NELL2: variants seen among roughly 807,000 people sequenced by gnomAD.
The protein encoded by NELL2 is neural EGFL like 2.
NELL2 carries 41 observed loss-of-function variants against 109.6 expected under a neutral mutation model. The observed-to-expected ratio is 0.37, with a 90% confidence interval of 0.29 to 0.49. NELL2 has a LOEUF of 0.49. Ranked by LOEUF, NELL2 falls within the 20% of genes least tolerant of loss-of-function variation. The pLI is 0.98. For synonymous variants in NELL2, 355 were observed against 344.7 expected, an observed-to-expected ratio of 1.03 and a Z score of -0.33; for missense variants, 900 against 1,008.3, an observed-to-expected ratio of 0.89 and a Z score of 1.45.
At position 44,674,723 on chromosome 12, in the gene NELL2, G is replaced by A. The variant is rs115676494; in HGVS notation, c.1319-9114C>T. Among the ~76,000 whole-genome samples the A allele has an allele frequency of 7.3e-3, 1,110 of 152,206 alleles. 9 individuals are homozygous for A. The highest frequency in any genetic ancestry group is 0.021 in the African/African-American group (873 of 41,534). On this transcript the variant is annotated intron_variant, in intron 12 of 19. Transcript: ENST00000429094. ...ATATCTTATGAGAGTTGGTAAAATG[G>A]CATAACTGAGGAATTGGTAAGAAGT... is the stretch of plus-strand genomic sequence containing the variant.
At chr12:44,607,130 T>G in intron 15 of NELL2, 39 bp downstream of exon 15, 3 of 1,566,592 alleles carry the variant, frequency 1.9e-6, no homozygotes, top group Non-Finnish European at 2.6e-6. Flanking sequence ...TGCATTGGCA[T>G]AAAAATTCAT....
Position 44,826,381 on chromosome 12 carries a change from T to A in NELL2, c.185-10245A>T, listed in dbSNP as rs533000572. Among the ~76,000 whole-genome samples the A allele has an allele frequency of 1.2e-4, 18 of 152,358 alleles. No homozygotes were observed. In the South Asian group the frequency reaches 1.2e-3, roughly 11 times the overall value. ...TTAACTATCAAATGTTATTGTCTTCTAAATTCAGGTTAGAAATATATTGAG... is the reference window on the plus strand; with the variant it reads ...TTAACTATCAAATGTTATTGTCTTCAAAATTCAGGTTAGAAATATATTGAG... On this transcript the variant is annotated intron_variant, in intron 2 of 19. Coordinates refer to ENST00000429094, the MANE Select transcript of NELL2 (RefSeq NM_001145108.2).
intron 15 of NELL2, among the ~76,000 whole-genome samples, chr12:44,587,309 T>TATATATATATATATATATATA (rs1565974434): frequency 4.3e-5 from 3 of 69,616 alleles, no homozygotes; most frequent in Admixed American, 1.8e-4. Context: ...ATATATATAT[T>TATATATATATATATATATATA]TTTTTTTAAA....
At chr12:44,760,296 C>G (rs1941067974) in intron 9 of NELL2, among the ~76,000 whole-genome samples, 1 of 151,986 alleles carries the variant, frequency 6.6e-6, no homozygotes, top group African/African-American at 2.4e-5. Context: ...CCCCAAATAA[C>G]CACAGAAAAA....
At chr12:44,579,187 A>G (rs1263867334) in intron 15 of NELL2, among the ~76,000 whole-genome samples, 1 of 152,120 alleles carries the variant, frequency 6.6e-6, no homozygotes, top group Non-Finnish European at 1.5e-5. Flanking sequence ...TTATTAGGAG[A>G]GCATGCATCA....
At chr12:44,562,851 T>A (rs895921893) in intron 15 of NELL2, among the ~76,000 whole-genome samples, 1 of 152,190 alleles carries the variant, frequency 6.6e-6, no homozygotes, top group Non-Finnish European at 1.5e-5. Flanking sequence ...TATTCTACTA[T>A]AAAGACACAT....
chr12:44,781,602 A>G (rs1193346823), intron 3 of NELL2, among the ~76,000 whole-genome samples: 2 of 152,280 alleles, frequency 1.3e-5, no homozygotes, highest in Middle Eastern at 3.4e-3. Flanking sequence ...AAGCCATATC[A>G]TAATTAATCT....
Position 44,779,986 on chromosome 12 carries a change from T to G in NELL2, c.372A>C (p.Glu124Asp). The G allele has an allele frequency of 6.2e-7, 1 of 1,613,836 alleles. No homozygotes were observed. Among genetic ancestry groups the G allele is most frequent in the Non-Finnish European group, 8.5e-7 (1 of 1,179,764 alleles). Residue 124 changes from glutamate to aspartate, a missense_variant, in exon 4 of 20, where the codon GAA becomes GAC. By Grantham distance (45) the Glu-to-Asp change is conservative. Coordinates refer to ENST00000429094, the MANE Select transcript of NELL2 (RefSeq NM_001145108.2). ...TGCCTGAGCGGTAATGCAGTCTGACTTCATTCCGATGGCCACTACTTTCCA... is the reference window on the plus strand; with the variant it reads ...TGCCTGAGCGGTAATGCAGTCTGACGTCATTCCGATGGCCACTACTTTCCA... ...LELESSGHRN[E>D]VRLHYRSGSH...
At chr12:44,805,960 C>T (rs1215411445) in intron 3 of NELL2, among the ~76,000 whole-genome samples, 2 of 151,688 alleles carry the variant, frequency 1.3e-5, no homozygotes, top group Non-Finnish European at 3.0e-5. Context: ...ATTTCTCATA[C>T]AAGATTTTCT....
In NELL2 at chr12:44,530,708, T is replaced by C. The variant is rs539372299; in HGVS notation, c.1804+1873A>G. ...CTCCCACGCCTTGAGGAGTGGCCCA[T>C]GTATTAAGGAAATGAGATCTGCCAA... is the stretch of plus-strand genomic sequence containing the variant. On this transcript the variant is annotated intron_variant, in intron 16 of 19. Coordinates refer to ENST00000429094, the MANE Select transcript of NELL2 (RefSeq NM_001145108.2). Among the ~76,000 whole-genome samples, 3 of 152,308 alleles carry C rather than the reference T, an allele frequency of 2.0e-5. No homozygotes were observed. In the South Asian group the frequency reaches 6.2e-4, roughly 32 times the overall value.
chr12:44,778,195 C>T (rs1941824195), intron 5 of NELL2, among the ~76,000 whole-genome samples: 1 of 152,118 alleles, frequency 6.6e-6, no homozygotes, highest in African/African-American at 2.4e-5. Flanking sequence ...ACCAACATGA[C>T]ATCAATATAA....
chr12:44,811,015 T>C (rs1943156569), intron 3 of NELL2, among the ~76,000 whole-genome samples: 1 of 152,148 alleles, frequency 6.6e-6, no homozygotes. Context: ...AATGAGTTCA[T>C]GTCCTTTGCA....
intron 12 of NELL2, among the ~76,000 whole-genome samples, chr12:44,684,250 G>T (rs1948632777): frequency 6.6e-6 from 1 of 152,112 alleles, no homozygotes; most frequent in Non-Finnish European, 1.5e-5. Flanking sequence ...TATTTCTGTG[G>T]GATTGGTGGT....
chr12:44,886,906 C>T (rs1945480023), intron 1 of NELL2, among the ~76,000 whole-genome samples: 1 of 151,876 alleles, frequency 6.6e-6, no homozygotes, highest in Non-Finnish European at 1.5e-5. Context: ...TGAGTGACAA[C>T]ATGCGATATT....
rs763001261 is a variant in NELL2, at chr12:44,777,264, A to T, written c.657T>A (p.Ala219=). ...QLLVMPQGFI[A]QCPDLNRTCP... Reference sequence around the variant, plus strand: ...TACTGCGATTAAGATCTGGGCACTGAGCAATAAATCCCTGGGGCATGACAA... The same window carrying T: ...TACTGCGATTAAGATCTGGGCACTGTGCAATAAATCCCTGGGGCATGACAA... The change falls in exon 6 of 20, where the codon GCT becomes GCA. Residue 219 remains alanine (A), a synonymous_variant. Coordinates refer to ENST00000429094, the MANE Select transcript of NELL2 (RefSeq NM_001145108.2). 6.2e-7 allele frequency: 1 copy of T among 1,613,834 alleles called. No homozygotes were observed. The highest frequency in any genetic ancestry group is 1.7e-5 in the Admixed American group (1 of 60,028).
At chr12:44,558,319 T>C (rs187048535) in intron 15 of NELL2, among the ~76,000 whole-genome samples, 53 of 152,324 alleles carry the variant, frequency 3.5e-4, no homozygotes, top group Admixed American at 2.9e-3. Flanking sequence ...TCTCTGATGT[T>C]CAAGACAAAA....
chr12:44,818,093 C>A (rs1294317372), intron 2 of NELL2, among the ~76,000 whole-genome samples: 1 of 152,188 alleles, frequency 6.6e-6, no homozygotes, highest in African/African-American at 2.4e-5. Flanking sequence ...AAACTTTTGC[C>A]ACAATCAATG....
rs555107302 is a variant in NELL2 at position 44,858,824 on chromosome 12, T to C, written c.184+16401A>G. 2.4e-4 allele frequency among the ~76,000 whole-genome samples: 37 copies of C among 152,330 alleles called. No individual in the cohort carries two copies. In the East Asian group the frequency reaches 2.7e-3, roughly 11 times the overall value. Reference sequence around the variant, plus strand: ...ACAAAAAGGCCCTAAGTTATGATTATCTGATGCAGGTGGATACATTTTTTA... The same window carrying C: ...ACAAAAAGGCCCTAAGTTATGATTACCTGATGCAGGTGGATACATTTTTTA... On this transcript the variant is annotated intron_variant, in intron 2 of 19. Transcript: ENST00000429094.
chr12:44,880,594 T>G (rs1566588083), upstream of NELL2, among the ~76,000 whole-genome samples: 1 of 152,050 alleles, frequency 6.6e-6, no homozygotes, highest in South Asian at 2.1e-4. Flanking sequence ...TATAGTATTA[T>G]ACATAACATT....
Sources: gnomAD v4.1 joint callset for allele counts (sites outside exome capture counted in the v4.1 genomes callset) on GRCh38, gnomAD v4.1.1 for gene constraint, MANE v1.5 for transcripts, NCBI Gene and HGNC (gene_info 2026-07-23, HGNC 2026-07-21) for gene names.